GLIS3: variants seen among roughly 807,000 people sequenced by gnomAD.
GLIS3 encodes zinc finger protein GLIS3.
GLIS3 carries 53 observed loss-of-function variants against 78.6 expected under a neutral mutation model. The ratio of observed to expected loss-of-function variants is 0.67; its 90% CI spans 0.54 to 0.85. The LOEUF (loss-of-function observed/expected upper bound fraction) is 0.85. GLIS3 is among the 40% of genes least tolerant of loss of function. The pLI is 0.00. For missense variants in GLIS3, 1,703 were observed against 1,231.1 expected, an observed-to-expected ratio of 1.38 and a Z score of -5.74; for synonymous variants, 684 against 509.9, an observed-to-expected ratio of 1.34 and a Z score of -4.60.
rs536747058 is a variant in GLIS3 at position 4,253,115 on chromosome 9, C to A, written c.388+32923G>T. The stretch of plus-strand genomic sequence containing the variant: ...TCAGGGACCCACTGGAGGAGGCAGT[C>A]TGTCCCTTAGCAGAGCTCAAGCGCT... On this transcript the variant is annotated intron_variant, in intron 2 of 10. Transcript: ENST00000381971. 5.9e-5 allele frequency among the ~76,000 whole-genome samples: 9 copies of A among 152,388 alleles called. No individual in the cohort carries two copies. The South Asian group carries it at 1.9e-3, about 32-fold the overall frequency.
intron 4 of GLIS3, among the ~76,000 whole-genome samples, chr9:4,063,876 T>C (rs1448945848): frequency 1.3e-5 from 2 of 152,210 alleles, no homozygotes; most frequent in African/African-American, 4.8e-5. Flanking sequence ...TGTACGTGTG[T>C]GAGTTCCCAA....
At chr9:4,359,149 G>C in the GLIS3 span, among the ~76,000 whole-genome samples, 2 of 152,062 alleles carry the variant, frequency 1.3e-5, no homozygotes, top group Non-Finnish European at 2.9e-5. Flanking sequence ...TAAGTCAATT[G>C]CTGCAGTTGT....
the GLIS3 span, among the ~76,000 whole-genome samples, chr9:4,471,496 G>A: frequency 6.6e-6 from 1 of 152,098 alleles, no homozygotes; most frequent in Non-Finnish European, 1.5e-5. Flanking sequence ...ACAAAAACAA[G>A]AAATGGGGAA....
At chr9:3,885,598 G>A (rs1160178768) in intron 7 of GLIS3, among the ~76,000 whole-genome samples, 1 of 152,152 alleles carries the variant, frequency 6.6e-6, no homozygotes, top group East Asian at 1.9e-4. Context: ...GTATTTCCAG[G>A]GTCAAGGCAC....
At chr9:3,901,824 T>A (rs1224179888) in intron 6 of GLIS3, among the ~76,000 whole-genome samples, 8 of 152,204 alleles carry the variant, frequency 5.3e-5, no homozygotes, top group Admixed American at 5.2e-4. Context: ...TTGGAAGGTA[T>A]GTTTGTTATT....
chr9:4,466,533 T>G, the GLIS3 span, among the ~76,000 whole-genome samples: 43 of 151,770 alleles, frequency 2.8e-4, no homozygotes, highest in African/African-American at 1.0e-3. Flanking sequence ...AGATATAAAA[T>G]TTTTTTAAAT....
chr9:3,829,460 G>T lies in GLIS3; in HGVS notation c.2506C>A (p.Pro836Thr), dbSNP rs1326307579. 1 of 1,614,000 alleles carries T rather than the reference G, an allele frequency of 6.2e-7. No individual in the cohort carries two copies. Among genetic ancestry groups the T allele is most frequent in the African/African-American group, 1.3e-5 (1 of 74,906 alleles). ...ATTCTCTGGGAATCGGGGTAGTGTG[G>T]GGGACAGAACTTCTGCAGCTGCCCA... ...FYGQLQKFCP[P>T]HYPDSQRIVP... The change falls in exon 10 of 11, where the codon CCA becomes ACA. Residue 836 changes from proline to threonine, a missense_variant. Physicochemically the swap from Pro to Thr is conservative, Grantham distance 38 (BLOSUM62 -1). Coordinates refer to ENST00000381971, the MANE Select transcript of GLIS3 (RefSeq NM_001042413.2).
At chr9:3,919,457 G>C (rs1001067873) in intron 6 of GLIS3, among the ~76,000 whole-genome samples, 3 of 151,980 alleles carry the variant, frequency 2.0e-5, no homozygotes, top group Admixed American at 6.6e-5. Context: ...GACATATAGG[G>C]GAACAACACA....
At chr9:4,091,054 G>C (rs952243303) in intron 4 of GLIS3, among the ~76,000 whole-genome samples, 1 of 152,124 alleles carries the variant, frequency 6.6e-6, no homozygotes, top group African/African-American at 2.4e-5. Context: ...AGTAAAGTTA[G>C]TATGTATAAA....
At chr9:4,339,697 C>A (rs1420975904) in intron 2 of GLIS3, among the ~76,000 whole-genome samples, 1 of 138,916 alleles carries the variant, frequency 7.2e-6, no homozygotes, top group African/African-American at 2.8e-5. Flanking sequence ...CATTTCAAAG[C>A]CAGATAACAA....
the GLIS3 span, among the ~76,000 whole-genome samples, chr9:4,430,791 A>T: frequency 1.3e-5 from 2 of 152,232 alleles, no homozygotes; most frequent in East Asian, 3.8e-4. Context: ...TGTTAACTTA[A>T]TTCAAATTCC....
chr9:4,155,932 T>C (rs993264494), intron 2 of GLIS3, among the ~76,000 whole-genome samples: 1 of 152,212 alleles, frequency 6.6e-6, no homozygotes, highest in Admixed American at 6.5e-5. Context: ...ATCTTCCCAC[T>C]ACATGCTACT....
chr9:4,006,243 T>C lies in GLIS3; in HGVS notation c.1711-69054A>G, dbSNP rs534781717. Among the ~76,000 whole-genome samples the C allele has an allele frequency of 4.2e-5, 6 of 142,562 alleles. 1 individual carries two copies. Among genetic ancestry groups the C allele is most frequent in the African/African-American group, 1.6e-4 (6 of 37,484 alleles). 93.5% of individuals were successfully genotyped at this position (142,562 alleles called of 152,430 possible). The stretch of plus-strand genomic sequence containing the variant: ...TGCCTTGCCTGACAGGTAAACAGCA[T>C]GAGAGCTCCTTTTACAGATTATTCT... On this transcript the variant is annotated intron_variant, in intron 4 of 10. Transcript: ENST00000381971.
At chr9:4,094,119 A>C (rs1412214557) in intron 4 of GLIS3, among the ~76,000 whole-genome samples, 2 of 152,224 alleles carry the variant, frequency 1.3e-5, no homozygotes, top group African/African-American at 4.8e-5. Flanking sequence ...CTCAACCAAA[A>C]ATACCTGATG....
At chr9:4,044,826 A>G (rs1274740217) in intron 4 of GLIS3, among the ~76,000 whole-genome samples, 1 of 152,228 alleles carries the variant, frequency 6.6e-6, no homozygotes, top group African/African-American at 2.4e-5. Context: ...CTTTGGGCAG[A>G]TCCATTCCTA....
At chr9:3,992,847 A>C (rs1311844696) in intron 4 of GLIS3, among the ~76,000 whole-genome samples, 4 of 152,160 alleles carry the variant, frequency 2.6e-5, no homozygotes, top group Non-Finnish European at 5.9e-5. Flanking sequence ...AAGGTCAAAC[A>C]CTTTTATCCC....
chr9:3,831,447 C>G (rs928729539), intron 9 of GLIS3, among the ~76,000 whole-genome samples: 1 of 152,164 alleles, frequency 6.6e-6, no homozygotes, highest in Non-Finnish European at 1.5e-5. Context: ...ATCACATTGG[C>G]AAAGATTCCT....
At chr9:4,314,016 T>C (rs1317250435) in intron 2 of GLIS3, among the ~76,000 whole-genome samples, 1 of 152,168 alleles carries the variant, frequency 6.6e-6, no homozygotes, top group Non-Finnish European at 1.5e-5. Flanking sequence ...TACATAAAAA[T>C]GTAGTTAGCC....
the GLIS3 span, among the ~76,000 whole-genome samples, chr9:4,458,289 C>G: frequency 6.6e-6 from 1 of 152,176 alleles, no homozygotes; most frequent in East Asian, 1.9e-4. Flanking sequence ...ATGCATTGTT[C>G]TAGGCACTGG....
Sources: gnomAD v4.1 joint callset for allele counts (sites outside exome capture counted in the v4.1 genomes callset) on GRCh38, gnomAD v4.1.1 for gene constraint, MANE v1.5 for transcripts, NCBI Gene and HGNC (gene_info 2026-07-23, HGNC 2026-07-21) for gene names.